Variants in YWHAQ observed in about 807,000 individuals in gnomAD.
YWHAQ encodes the protein 14-3-3 protein theta.
A neutral mutation model predicts 28.3 loss-of-function variants in YWHAQ; 6 were observed. The observed-to-expected ratio is 0.21, with a 90% CI of 0.12 to 0.42. YWHAQ has a LOEUF of 0.42. Among genes scored for constraint, YWHAQ ranks in the 10% least tolerant of loss-of-function variants. The pLI is 1.00. For synonymous variants in YWHAQ, 143 were observed against 119.1 expected, an observed-to-expected ratio of 1.20 and a Z score of -1.31; for missense variants, 201 against 305.6, an observed-to-expected ratio of 0.66 and a Z score of 2.55.
At chr2:9,586,099 T>G (rs1666338985) in intron 5 of YWHAQ, among the ~76,000 whole-genome samples, 1 of 152,174 alleles carries the variant, frequency 6.6e-6, no homozygotes, top group Admixed American at 6.5e-5. Flanking sequence ...TTAACAATTT[T>G]CAAGTGTGTG....
chr2:9,616,790 G>A (rs561281668), intron 2 of YWHAQ, among the ~76,000 whole-genome samples: 15 of 152,230 alleles, frequency 9.9e-5, no homozygotes, highest in African/African-American at 3.6e-4. Context: ...CAGCCACTTC[G>A]GAAAACAATC....
chr2:9,630,438 C>T lies in YWHAQ; in HGVS notation c.15G>A (p.Glu5=), dbSNP rs761020810. The change falls in exon 2 of 6, where the codon GAG becomes GAA. Residue 5 remains glutamate (E), a synonymous_variant. Transcript: ENST00000238081. This position sits in a 1 kb window ranked among gnomAD's most constrained non-coding sequence, Gnocchi z 5.6. MEKT[E]LIQKAKLAEQ... ...CGGCCAGCTTGGCCTTCTGGATCAGCTCAGTCTTCTCCATGGCGGGCGCGG... is the reference window on the plus strand; with the variant it reads ...CGGCCAGCTTGGCCTTCTGGATCAGTTCAGTCTTCTCCATGGCGGGCGCGG... 1 of 1,609,176 alleles carries T rather than the reference C, an allele frequency of 6.2e-7. No homozygotes were observed.
At chr2:9,600,690 A>T (rs1208442015) in intron 2 of YWHAQ, among the ~76,000 whole-genome samples, 2 of 152,056 alleles carry the variant, frequency 1.3e-5, no homozygotes, top group Non-Finnish European at 2.9e-5. Context: ...GGGCAACAAG[A>T]GCGAAACTCT....
intron 2 of YWHAQ, among the ~76,000 whole-genome samples, chr2:9,600,334 T>C (rs751190701): frequency 2.0e-5 from 3 of 152,086 alleles, no homozygotes; most frequent in Non-Finnish European, 4.4e-5. Flanking sequence ...AGTGGCAGGG[T>C]TTGAGAGGAT....
Position 9,584,160 on chromosome 2 carries a change from CACT to C in YWHAQ, c.*1123_*1125del, listed in dbSNP as rs1277812082. 8 of 152,608 alleles carry C rather than the reference CACT, an allele frequency of 5.2e-5. No individual in the cohort carries two copies. Among genetic ancestry groups the C allele is most frequent in the Non-Finnish European group, 8.8e-5 (6 of 68,028 alleles). The allele number at this position is 152,608 out of a possible 1,614,324, so 9.5% of individuals were successfully genotyped here. On this transcript the variant is annotated 3_prime_UTR_variant, in exon 6 of 6. Transcript: ENST00000238081. ...ATGCACAATGTGGAAATATAGGTAT[CACT>C]ACTACATTTTACATAAAAGGGAAGT...
At chr2:9,598,687 A>G (rs1666626728) in intron 2 of YWHAQ, among the ~76,000 whole-genome samples, 1 of 152,208 alleles carries the variant, frequency 6.6e-6, no homozygotes, top group South Asian at 2.1e-4. Context: ...ATGCATGCCC[A>G]CACAAGATGG....
At chr2:9,591,547 A>T (rs749903210) in intron 2 of YWHAQ, 32 bp from the exon 3 acceptor site, 1 of 1,586,842 alleles carries the variant, frequency 6.3e-7, no homozygotes. Context: ...ATTAGGCACT[A>T]AACTTCTGCC....
intron 2 of YWHAQ, among the ~76,000 whole-genome samples, chr2:9,598,012 T>TTTTTTTA (rs1553373009): frequency 7.6e-6 from 1 of 132,174 alleles, no homozygotes; most frequent in African/African-American, 2.8e-5. Context: ...TTTTTTTTTT[T>TTTTTTTA]TAGTAGAGAC....
intron 2 of YWHAQ, among the ~76,000 whole-genome samples, chr2:9,604,250 G>GTA (rs1558545816): frequency 1.3e-5 from 2 of 152,038 alleles, no homozygotes; most frequent in Admixed American, 1.3e-4. Context: ...CAGAAAATAC[G>GTA]GGGGGAAAAG....
At chr2:9,599,077 G>C (rs1666635432) in intron 2 of YWHAQ, among the ~76,000 whole-genome samples, 1 of 152,166 alleles carries the variant, frequency 6.6e-6, no homozygotes, top group African/African-American at 2.4e-5. Context: ...ATGATATGGA[G>C]AAAACTTTAT....
chr2:9,630,264 A>C lies in YWHAQ; in HGVS notation c.189T>G (p.Ser63=), dbSNP rs1321741083. The C allele has an allele frequency of 6.2e-6, 10 of 1,614,114 alleles. No homozygotes were observed. Among genetic ancestry groups the C allele is most frequent in the Non-Finnish European group, 8.5e-6 (10 of 1,180,008 alleles). Reference sequence around the variant, plus strand: ...AGGTGTCGGTCTTCTGCTCGATGCTAGAGATGACCCTCCAGGCGGACCTGC... The same window carrying C: ...AGGTGTCGGTCTTCTGCTCGATGCTCGAGATGACCCTCCAGGCGGACCTGC... ...GGRRSAWRVI[S]SIEQKTDTSD... Residue 63 remains serine, a synonymous_variant, in exon 2 of 6, where the codon TCT becomes TCG. Transcript: ENST00000238081. The surrounding 1 kb of genome is among the most constrained non-coding windows in gnomAD (Gnocchi z 5.6).
At chr2:9,617,310 G>C (rs1168744496) in intron 2 of YWHAQ, among the ~76,000 whole-genome samples, 1 of 152,044 alleles carries the variant, frequency 6.6e-6, no homozygotes, top group Non-Finnish European at 1.5e-5. Flanking sequence ...GCCACAAAAA[G>C]AAGCACAAAA....
At chr2:9,629,541 C>G (rs1223129452) in intron 2 of YWHAQ, among the ~76,000 whole-genome samples, 1 of 151,254 alleles carries the variant, frequency 6.6e-6, no homozygotes, top group Non-Finnish European at 1.5e-5. Flanking sequence ...TGTGCAACAG[C>G]AAGGAAATGT....
At chr2:9,604,234 G>A (rs142740231) in intron 2 of YWHAQ, among the ~76,000 whole-genome samples, 1 of 152,156 alleles carries the variant, frequency 6.6e-6, no homozygotes, top group East Asian at 1.9e-4. Flanking sequence ...GGTAACAAAC[G>A]AGAGACAGAA....
chr2:9,593,898 T>TA (rs151047530), intron 2 of YWHAQ, among the ~76,000 whole-genome samples: 3,681 of 121,402 alleles, frequency 0.03, 181 homozygotes, highest in African/African-American at 0.11. Flanking sequence ...TTAAATAGAT[T>TA]AAAAAAAATA....
At chr2:9,594,107 G>C (rs1436336872) in intron 2 of YWHAQ, among the ~76,000 whole-genome samples, 1 of 151,930 alleles carries the variant, frequency 6.6e-6, no homozygotes, top group Non-Finnish European at 1.5e-5. Context: ...AAGTTGCTGA[G>C]CCAGGAGTGT....
intron 2 of YWHAQ, among the ~76,000 whole-genome samples, chr2:9,593,847 A>T (rs1056114911): frequency 6.6e-6 from 1 of 150,864 alleles, no homozygotes; most frequent in African/African-American, 2.4e-5. Flanking sequence ...AAAAGAAAAA[A>T]ACCAGAAAAA....
intron 2 of YWHAQ, among the ~76,000 whole-genome samples, chr2:9,624,777 C>T (rs1465107671): frequency 4.6e-5 from 7 of 151,226 alleles, no homozygotes; most frequent in African/African-American, 9.7e-5. Context: ...ACAAGAGTTT[C>T]GCTCTGTCGC....
chr2:9,619,738 A>C (rs1300560956), intron 2 of YWHAQ, among the ~76,000 whole-genome samples: 2 of 152,212 alleles, frequency 1.3e-5, no homozygotes, highest in Non-Finnish European at 2.9e-5. Context: ...TCCGTAATGT[A>C]ACCTTTCCAA....
Sources: gnomAD v4.1 joint callset for allele counts (sites outside exome capture counted in the v4.1 genomes callset) on GRCh38, gnomAD v4.1.1 for gene constraint, Gnocchi (gnomAD v3.1) non-coding constraint, MANE v1.5 for transcripts, NCBI Gene and HGNC (gene_info 2026-07-23, HGNC 2026-07-21) for gene names.